The following ZNF84 variants were observed in gnomAD, a reference collection of about 807,000 sequenced individuals.
ZNF84 encodes zinc finger protein 84.
In ZNF84, 12 loss-of-function variants were observed where a neutral mutation model predicts 14.8. The observed-to-expected ratio is 0.81, with a 90% CI of 0.52 to 1.31. The LOEUF is 1.31. ZNF84 is among the 50% of genes most tolerant of loss of function. The pLI is 0.00. For synonymous variants in ZNF84, 347 were observed against 291.1 expected, an observed-to-expected ratio of 1.19 and a Z score of -1.96; for missense variants, 859 against 878.6, an observed-to-expected ratio of 0.98 and a Z score of 0.28.
intron 4 of ZNF84, among the ~76,000 whole-genome samples, chr12:133,049,671 C>T (rs1282991134): frequency 2.0e-5 from 3 of 151,936 alleles, no homozygotes; most frequent in Non-Finnish European, 4.4e-5. Context: ...TTAGTGGAGA[C>T]AGGGTTTCAC....
rs1954267463 is a variant in ZNF84 at position 133,061,697 on chromosome 12, C to T, written c.*2765C>T. On this transcript the variant is annotated 3_prime_UTR_variant, in exon 5 of 5. Coordinates refer to ENST00000539354, the MANE Select transcript of ZNF84 (RefSeq NM_001289971.2). ...AACTATTAAGCAGTTAAACCTGATA[C>T]TTCCTACACTAGATAATGGAACTTC... 1 of 152,262 alleles carries T rather than the reference C, an allele frequency of 6.6e-6. No individual in the cohort carries two copies. The highest frequency in any genetic ancestry group is 1.9e-4 in the East Asian group (1 of 5,182). 9.4% of individuals were successfully genotyped at this position (152,262 alleles called of 1,614,324 possible). A position where few individuals can be genotyped will look rare whatever the true frequency, so the allele number is the denominator to read the frequency against.
chr12:133,047,622 C>T (rs1954003977), intron 2 of ZNF84: 3 of 180,270 alleles, frequency 1.7e-5, no homozygotes, highest in Admixed American at 5.6e-5. Context: ...GTGGTATGAC[C>T]GTACTGGCTG....
At chr12:133,040,960 A>G (rs1217264528) in intron 1 of ZNF84, 1 of 153,246 alleles carries the variant, frequency 6.5e-6, no homozygotes, top group Non-Finnish European at 1.5e-5. Flanking sequence ...TTGAAACTCA[A>G]ATCTGTTTTA....
At chr12:133,039,569 T>C (rs1305356475) in intron 1 of ZNF84, among the ~76,000 whole-genome samples, 1 of 152,202 alleles carries the variant, frequency 6.6e-6, no homozygotes, top group African/African-American at 2.4e-5. Context: ...AAACGCCTTA[T>C]AGGGTTGTGC....
chr12:133,037,575 G>A (rs1375485565), intron 1 of ZNF84, 30 bp downstream of exon 1: 2 of 152,038 alleles, frequency 1.3e-5, no homozygotes, highest in African/African-American at 2.4e-5. Context: ...TGCGGGCCCG[G>A]CGCTGGGGGC....
chr12:133,058,560 T>C lies in ZNF84; in HGVS notation c.1845T>C (p.Ile615=), dbSNP rs34992615. The C allele has an allele frequency of 8.4e-3, 13,562 of 1,613,918 alleles. 861 individuals carry two copies. The African/African-American group carries it at 0.15, about 18-fold the overall frequency. Residue 615 remains isoleucine (I), a synonymous_variant, in exon 5 of 5, where the codon ATT becomes ATC. Transcript: ENST00000539354. The stretch of plus-strand genomic sequence containing the variant: ...CTTTTTTTGAGAAGTCGGAGCTAAT[T>C]AGACATCTGAGAACTCATACAGGAG... ...RKAFFEKSEL[I]RHLRTHTGEK...
intron 2 of ZNF84, among the ~76,000 whole-genome samples, chr12:133,042,473 G>A (rs928170102): frequency 7.5e-4 from 114 of 152,174 alleles, no homozygotes; most frequent in African/African-American, 2.6e-3. Context: ...TTTTATTATT[G>A]TTGTTTATTT....
rs2137419134 is a variant in ZNF84 at position 133,057,332 on chromosome 12, T to C, written c.617T>C (p.Leu206Pro). Residue 206 changes from leucine (L) to proline (P), a missense_variant, in exon 5 of 5, where the codon CTC (leucine) becomes CCC (proline). Physicochemically the swap from Leu to Pro is moderately conservative, Grantham distance 98 (BLOSUM62 -3). Transcript: ENST00000539354. The stretch of plus-strand genomic sequence containing the variant: ...CATAGAAATCGTTTAGGGGAGAAAC[T>C]CTATGAATGCAGTGAATGTAGGAAG... ...IYHRNRLGEK[L>P]YECSECRKRF... 1 of 1,613,506 alleles carries C rather than the reference T, an allele frequency of 6.2e-7. No homozygotes were observed. Among genetic ancestry groups the C allele is most frequent in the Non-Finnish European group, 8.5e-7 (1 of 1,179,908 alleles).
rs1954207669 is a variant in ZNF84, at chr12:133,058,796, A to G, written c.2081A>G (p.Gln694Arg). The G allele has an allele frequency of 6.2e-7, 1 of 1,614,156 alleles. No homozygotes were observed. Among genetic ancestry groups the G allele is most frequent in the African/African-American group, 1.3e-5 (1 of 75,066 alleles). ...GCSECRKAFS[Q>R]KSQLVNHQRI... The stretch of plus-strand genomic sequence containing the variant: ...AGTGAATGTAGGAAGGCCTTCTCTC[A>G]GAAGTCACAGCTGGTTAATCATCAG... The change falls in exon 5 of 5, where the codon CAG becomes CGG. Residue 694 changes from glutamine (Q) to arginine (R), a missense_variant. Coordinates refer to ENST00000539354, the MANE Select transcript of ZNF84 (RefSeq NM_001289971.2).
Position 133,058,912 on chromosome 12 carries a change from CAT to C in ZNF84, c.2199_2200del (p.Thr734SerfsTer41). The C allele has an allele frequency of 6.2e-7, 1 of 1,602,424 alleles. No homozygotes were observed. The highest frequency in any genetic ancestry group is 8.5e-7 in the Non-Finnish European group (1 of 1,175,292). ...ACAGCTCATCAATCATCAGAGAACTCATACAGTAAAAAAATCCTAGGAATACA... is the reference window on the plus strand; with the variant it reads ...ACAGCTCATCAATCATCAGAGAACTCACAGTAAAAAAATCCTAGGAATACA... ...KSQLINHQRTHTVKKS is the reference protein window; with the variant it reads ...KSQLINHQRTXTVKKS On this transcript the variant is annotated frameshift_variant, in exon 5 of 5. Transcript: ENST00000539354. LOFTEE classifies it high-confidence loss of function.
chr12:133,062,563 G>T lies in ZNF84; in HGVS notation c.*3631G>T, dbSNP rs1458612615. 1.2e-5 allele frequency: 2 copies of T among 160,800 alleles called. No homozygotes were observed. The highest frequency in any genetic ancestry group is 2.8e-5 in the Non-Finnish European group (2 of 72,650). The allele number at this position is 160,800 out of a possible 1,614,324, so 10.0% of individuals were successfully genotyped here. ...TTCAACACCTACCCCTGGCCTAACT[G>T]CTGATAACCAACCATAACCCTTGCA... On this transcript the variant is annotated 3_prime_UTR_variant, in exon 5 of 5. Coordinates refer to ENST00000539354, the MANE Select transcript of ZNF84 (RefSeq NM_001289971.2).
rs1200974187 is a variant in ZNF84 at position 133,062,809 on chromosome 12, C to T, written c.*3877C>T. Reference sequence around the variant, plus strand: ...CTATCATTTCTGAAAACTTTTTCCTCCTATGCAATATTTTCTGGCCTCTGT... The same window carrying T: ...CTATCATTTCTGAAAACTTTTTCCTTCTATGCAATATTTTCTGGCCTCTGT... On this transcript the variant is annotated 3_prime_UTR_variant, in exon 5 of 5. Transcript: ENST00000539354. 7.4e-6 allele frequency: 3 copies of T among 403,870 alleles called. No individual in the cohort carries two copies. Among genetic ancestry groups the T allele is most frequent in the Non-Finnish European group, 1.3e-5 (3 of 224,504 alleles). 25.0% of individuals were successfully genotyped at this position (403,870 alleles called of 1,614,324 possible). A position where few individuals can be genotyped will look rare whatever the true frequency, so the allele number is the denominator to read the frequency against.
At position 133,041,429 on chromosome 12, in the gene ZNF84, G is replaced by GATC. The variant is rs1953886078; in HGVS notation, c.-38_-36dup. ...AGCAGAAGAGACGCACAGTAGAACCGATCTCAGCCTTGCTGATCATCTCGT... is the reference window on the plus strand; with the variant it reads ...AGCAGAAGAGACGCACAGTAGAACCGATCATCTCAGCCTTGCTGATCATCTCGT... On this transcript the variant is annotated 5_prime_UTR_variant, in exon 2 of 5. Coordinates refer to ENST00000539354, the MANE Select transcript of ZNF84 (RefSeq NM_001289971.2). 6.8e-6 allele frequency: 11 copies of GATC among 1,613,162 alleles called. No homozygotes were observed. Among genetic ancestry groups the GATC allele is most frequent in the Non-Finnish European group, 9.3e-6 (11 of 1,179,102 alleles).
Position 133,063,286 on chromosome 12 carries a change from T to C in ZNF84, c.*4354T>C. 1 of 701,190 alleles carries C rather than the reference T, an allele frequency of 1.4e-6. No individual in the cohort carries two copies. 43.4% of individuals were successfully genotyped at this position (701,190 alleles called of 1,614,324 possible). Reference sequence around the variant, plus strand: ...ATACTCCAAATATCCTAATAAATTCTCATGTTTGCTTCATCTGGCTCAAGT... The same window carrying C: ...ATACTCCAAATATCCTAATAAATTCCCATGTTTGCTTCATCTGGCTCAAGT... On this transcript the variant is annotated 3_prime_UTR_variant, in exon 5 of 5. Transcript: ENST00000539354.
intron 4 of ZNF84, among the ~76,000 whole-genome samples, chr12:133,053,402 T>A (rs1954103190): frequency 6.6e-6 from 1 of 152,244 alleles, no homozygotes; most frequent in Non-Finnish European, 1.5e-5. Context: ...TATTCTCTGA[T>A]ACCGTTTTAT....
At position 133,057,629 on chromosome 12, in the gene ZNF84, A is replaced by G. The variant is rs1593714030; in HGVS notation, c.914A>G (p.His305Arg). 4.3e-6 allele frequency: 7 copies of G among 1,614,232 alleles called. No individual in the cohort carries two copies. In the East Asian group the frequency reaches 1.6e-4, roughly 36 times the overall value. ...ECGKAFSRKS[H>R]LISHWRTHTG... ...GGGAAAGCCTTCTCCCGGAAGTCACATCTCATATCGCATTGGAGAACACAC... is the reference window on the plus strand; with the variant it reads ...GGGAAAGCCTTCTCCCGGAAGTCACGTCTCATATCGCATTGGAGAACACAC... The change falls in exon 5 of 5, where the codon CAT becomes CGT. Residue 305 changes from histidine to arginine, a missense_variant. By Grantham distance (29) the His-to-Arg change is conservative. Transcript: ENST00000539354.
chr12:133,049,488 GT>G (rs1215730366), intron 4 of ZNF84, among the ~76,000 whole-genome samples: 10 of 150,422 alleles, frequency 6.6e-5, no homozygotes, highest in Non-Finnish European at 1.3e-4. Context: ...TGTTTTTTTT[GT>G]TTTTTTTGTT....
In ZNF84 at chr12:133,057,617, C is replaced by T. The variant is rs1055190093; in HGVS notation, c.902C>T (p.Ser301Phe). Residue 301 changes from serine to phenylalanine, a missense_variant, in exon 5 of 5, where the codon TCC (serine) becomes TTC (phenylalanine). Transcript: ENST00000539354. Reference protein sequence around the residue: ...YECGECGKAFSRKSHLISHWR... With the variant: ...YECGECGKAFFRKSHLISHWR... ...TGTGGTGAATGTGGGAAAGCCTTCT[C>T]CCGGAAGTCACATCTCATATCGCAT... The T allele has an allele frequency of 1.2e-6, 2 of 1,613,862 alleles. No homozygotes were observed. The highest frequency in any genetic ancestry group is 2.2e-5 in the East Asian group (1 of 44,844).
chr12:133,056,481 C>T (rs1954160612), intron 4 of ZNF84, among the ~76,000 whole-genome samples: 1 of 152,040 alleles, frequency 6.6e-6, no homozygotes, highest in Admixed American at 6.6e-5. Context: ...TCTCGATCTC[C>T]CAACCTCATG....
Sources: allele counts gnomAD v4.1 joint callset (sites outside exome capture counted in the v4.1 genomes callset), GRCh38; gene constraint gnomAD v4.1.1; transcripts MANE v1.5; gene names NCBI Gene and HGNC (gene_info 2026-07-23, HGNC 2026-07-21).